Variants in INPP5A observed in about 807,000 individuals in gnomAD.
INPP5A encodes inositol polyphosphate-5-phosphatase A.
Under a neutral mutation model 65.2 loss-of-function variants are expected in INPP5A, and 14 were observed. The observed-to-expected ratio is 0.21, with a 90% CI of 0.14 to 0.34. The LOEUF is 0.34. Among genes scored for constraint, INPP5A ranks in the 10% least tolerant of loss-of-function variants. The pLI is 1.00. For synonymous variants in INPP5A, 207 were observed against 208.3 expected (o/e 0.99, Z 0.05); for missense variants, 431 against 545.6 (o/e 0.79, Z 2.09).
chr10:132,591,093 C>T (rs2071613869), intron 1 of INPP5A, among the ~76,000 whole-genome samples: 1 of 152,190 alleles, frequency 6.6e-6, no homozygotes, highest in Admixed American at 6.5e-5. Context: ...TCTATGGGTC[C>T]TTTGCCCGTT....
intron 8 of INPP5A, among the ~76,000 whole-genome samples, chr10:132,717,274 C>CGGCTGTCT (rs1564979998): frequency 6.6e-6 from 1 of 151,870 alleles, no homozygotes; most frequent in Admixed American, 6.5e-5. Context: ...ACCTCAGGTG[C>CGGCTGTCT]TGGCCCCTAA....
chr10:132,612,763 T>C (rs1159892314), intron 2 of INPP5A, among the ~76,000 whole-genome samples: 1 of 152,212 alleles, frequency 6.6e-6, no homozygotes, highest in Non-Finnish European at 1.5e-5. Context: ...TGTGTTACAT[T>C]TTGGCAGCAA....
intron 4 of INPP5A, among the ~76,000 whole-genome samples, chr10:132,667,894 A>G (rs931650674): frequency 2.6e-5 from 4 of 152,126 alleles, no homozygotes; most frequent in Non-Finnish European, 5.9e-5. Flanking sequence ...TTTGGGAGGC[A>G]TTTGCAGGTT....
intron 8 of INPP5A, among the ~76,000 whole-genome samples, chr10:132,718,901 G>A (rs527598637): frequency 2.1e-5 from 3 of 145,218 alleles, no homozygotes; most frequent in Admixed American, 7.0e-5. Context: ...CTGTCTGGAC[G>A]CCTTAGACGG....
In INPP5A at chr10:132,777,654, C is replaced by T. The variant is rs764708706; in HGVS notation, c.978-17C>T. Reference sequence around the variant, plus strand: ...CCCGAGCCGGCCGGCTGACCCTCTGCCTTCATGTCTCCCCAGCTACCCGTA... The same window carrying T: ...CCCGAGCCGGCCGGCTGACCCTCTGTCTTCATGTCTCCCCAGCTACCCGTA... On this transcript the variant is annotated splice_polypyrimidine_tract_variant and intron_variant, in intron 12 of 15. Coordinates refer to ENST00000368594, the MANE Select transcript of INPP5A (RefSeq NM_005539.5). 2.5e-6 allele frequency: 4 copies of T among 1,609,696 alleles called. No homozygotes were observed. The Admixed American group carries it at 6.7e-5, about 27-fold the overall frequency.
rs1040433063 is a variant in INPP5A at position 132,705,753 on chromosome 10, C to T, written c.475-2560C>T. Among the ~76,000 whole-genome samples the T allele has an allele frequency of 1.8e-4, 27 of 152,174 alleles. No individual in the cohort carries two copies. The highest frequency in any genetic ancestry group is 3.1e-4 in the Non-Finnish European group (21 of 68,038). On this transcript the variant is annotated intron_variant, in intron 6 of 15. Coordinates refer to ENST00000368594, the MANE Select transcript of INPP5A (RefSeq NM_005539.5). The surrounding 1 kb of genome is among the most constrained non-coding windows in gnomAD (Gnocchi z 4.9). Reference sequence around the variant, plus strand: ...GAGCCACCTGTGGACCCTGAGGGTGCGTCTGTGGGTGCCTCAGTATCACTG... The same window carrying T: ...GAGCCACCTGTGGACCCTGAGGGTGTGTCTGTGGGTGCCTCAGTATCACTG...
intron 12 of INPP5A, among the ~76,000 whole-genome samples, chr10:132,775,300 TAGGCGC>T (rs1441641538): frequency 6.6e-6 from 1 of 151,920 alleles, no homozygotes; most frequent in Admixed American, 6.6e-5. Flanking sequence ...TCCCACGCTG[TAGGCGC>T]AGGTGCGCCC....
chr10:132,780,019 C>T (rs1024476579), intron 13 of INPP5A, among the ~76,000 whole-genome samples: 7 of 152,264 alleles, frequency 4.6e-5, no homozygotes, highest in African/African-American at 1.4e-4. Context: ...TCCACTTCTG[C>T]GGAGGCGCCG....
rs541826166 is a variant in INPP5A, at chr10:132,546,349, G to A, written c.75+8178G>A. Among the ~76,000 whole-genome samples the A allele has an allele frequency of 1.3e-5, 2 of 152,218 alleles. No individual in the cohort carries two copies. Among genetic ancestry groups the A allele is most frequent in the African/African-American group, 4.8e-5 (2 of 41,526 alleles). ...AAGATGCCGCTTCTGGTTTTTCCCC[G>A]TTGTGAGTGAGAACAGCCCCACCTC... On this transcript the variant is annotated intron_variant, in intron 1 of 15. Coordinates refer to ENST00000368594, the MANE Select transcript of INPP5A (RefSeq NM_005539.5). The surrounding 1 kb of genome is among the most constrained non-coding windows in gnomAD (Gnocchi z 5.7).
At chr10:132,746,585 A>G in intron 9 of INPP5A, among the ~76,000 whole-genome samples, 1 of 152,122 alleles carries the variant, frequency 6.6e-6, no homozygotes, top group East Asian at 1.9e-4. Flanking sequence ...TCCAAACAGT[A>G]AGAAGAAATG....
At position 132,762,444 on chromosome 10, in the gene INPP5A, G is replaced by A. The variant is rs751975322; in HGVS notation, c.904-3329G>A. On this transcript the variant is annotated intron_variant, in intron 11 of 15. Coordinates refer to ENST00000368594, the MANE Select transcript of INPP5A (RefSeq NM_005539.5). The surrounding 1 kb of genome is among the most constrained non-coding windows in gnomAD (Gnocchi z 4.6). ...AATACACACCAGGAGAAGTGGAGGC[G>A]TTCAGTCAAAGAGCTGGTGGAAAAC... Among the ~76,000 whole-genome samples the A allele has an allele frequency of 2.1e-4, 32 of 152,144 alleles. No homozygotes were observed. Among genetic ancestry groups the A allele is most frequent in the Non-Finnish European group, 3.2e-4 (22 of 68,030 alleles).
intron 8 of INPP5A, among the ~76,000 whole-genome samples, chr10:132,711,551 C>T (rs148891108): frequency 6.6e-6 from 1 of 152,280 alleles, no homozygotes; most frequent in Non-Finnish European, 1.5e-5. Flanking sequence ...CATTCTGCTC[C>T]CTAGAGGGCC....
intron 2 of INPP5A, among the ~76,000 whole-genome samples, chr10:132,609,748 C>T (rs2133343445): frequency 6.6e-6 from 1 of 152,270 alleles, no homozygotes; most frequent in East Asian, 1.9e-4. Context: ...GGGTTCACGC[C>T]ATTCTCCTGC....
At chr10:132,718,212 T>C (rs1400215598) in intron 8 of INPP5A, among the ~76,000 whole-genome samples, 1 of 147,576 alleles carries the variant, frequency 6.8e-6, no homozygotes, top group East Asian at 2.1e-4. Context: ...TTCAGGGTTC[T>C]GTGGTACCTG....
chr10:132,642,914 C>T (rs1263959470), intron 2 of INPP5A, among the ~76,000 whole-genome samples: 1 of 152,148 alleles, frequency 6.6e-6, no homozygotes, highest in Non-Finnish European at 1.5e-5. Flanking sequence ...CTTGGGGAAA[C>T]TGAGAGTATG....
Position 132,705,440 on chromosome 10 carries a change from CA to C in INPP5A, c.475-2871del, listed in dbSNP as rs1165328943. Among the ~76,000 whole-genome samples the C allele has an allele frequency of 1.3e-5, 2 of 152,232 alleles. No individual in the cohort carries two copies. Among genetic ancestry groups the C allele is most frequent in the African/African-American group, 4.8e-5 (2 of 41,454 alleles). On this transcript the variant is annotated intron_variant, in intron 6 of 15. Coordinates refer to ENST00000368594, the MANE Select transcript of INPP5A (RefSeq NM_005539.5). This position sits in a 1 kb window ranked among gnomAD's most constrained non-coding sequence, Gnocchi z 4.9. ...CTTTGGCACAGCCCATGTTGTTTGG[CA>C]AGCAGGGCAGCCTGAGCACAGCAGG... is the stretch of plus-strand genomic sequence containing the variant.
At chr10:132,607,320 T>C (rs2133340088) in intron 1 of INPP5A, among the ~76,000 whole-genome samples, 1 of 152,344 alleles carries the variant, frequency 6.6e-6, no homozygotes, top group East Asian at 1.9e-4. Flanking sequence ...TGCACGTGTG[T>C]GCACGCCTGT....
intron 1 of INPP5A, among the ~76,000 whole-genome samples, chr10:132,566,776 A>G (rs554631083): frequency 6.6e-6 from 1 of 152,362 alleles, no homozygotes; most frequent in East Asian, 1.9e-4. Flanking sequence ...CAGGGACAAG[A>G]CACCCCATGT....
intron 2 of INPP5A, 34 bp from the exon 3 acceptor site, chr10:132,645,834 C>A: frequency 6.5e-7 from 1 of 1,545,520 alleles, no homozygotes. Flanking sequence ...TGGACGGCTC[C>A]GACGACCCTG....
Sources: gnomAD v4.1 joint callset for allele counts (sites outside exome capture counted in the v4.1 genomes callset) on GRCh38, gnomAD v4.1.1 for gene constraint, Gnocchi (gnomAD v3.1) non-coding constraint, MANE v1.5 for transcripts, NCBI Gene and HGNC (gene_info 2026-07-23, HGNC 2026-07-21) for gene names.